The following HDLBP variants were observed in gnomAD, a reference collection of about 807,000 sequenced individuals.
The protein encoded by HDLBP is high density lipoprotein binding protein.
Under a neutral mutation model 137.3 loss-of-function variants are expected in HDLBP, and 30 were observed. The observed-to-expected ratio is 0.22, with a 90% CI of 0.16 to 0.30. The LOEUF is 0.30. HDLBP is among the 10% of genes least tolerant of loss of function. HDLBP has a pLI of 1.00. For synonymous variants in HDLBP, 606 were observed against 596.0 expected, an observed-to-expected ratio of 1.02 and a Z score of -0.24; for missense variants, 1,119 against 1,667.3, an observed-to-expected ratio of 0.67 and a Z score of 5.73.
At chr2:241,231,635 C>G (rs185009041) in intron 24 of HDLBP, among the ~76,000 whole-genome samples, 64 of 149,952 alleles carry the variant, frequency 4.3e-4, no homozygotes, top group African/African-American at 1.4e-3. Context: ...CATCTTTGTG[C>G]TGGAGGCTGG....
chr2:241,236,454 G>A lies in HDLBP; in HGVS notation c.2904+161C>T. ...GTGGCCTCCCCAAACTCTGTGTCCA[G>A]CCGAGAAGCACAGCCCGTGCGCACA... On this transcript the variant is annotated intron_variant, in intron 21 of 27. Transcript: ENST00000310931. The A allele has an allele frequency of 7.0e-6, 5 of 711,506 alleles. 1 individual carries two copies. In the South Asian group the frequency reaches 8.9e-5, roughly 13 times the overall value. The allele number at this position is 711,506 out of a possible 1,614,324, so 44.1% of individuals were successfully genotyped here.
intron 5 of HDLBP, among the ~76,000 whole-genome samples, chr2:241,258,472 C>T (rs1033942779): frequency 6.6e-6 from 1 of 151,830 alleles, no homozygotes; most frequent in African/African-American, 2.4e-5. Context: ...TCCGGTGAGC[C>T]GTGATCATGC....
At chr2:241,296,102 A>AC (rs540952816) in intron 1 of HDLBP, among the ~76,000 whole-genome samples, 2 of 137,238 alleles carry the variant, frequency 1.5e-5, no homozygotes, top group African/African-American at 5.4e-5. Flanking sequence ...AAATTTTGCA[A>AC]AAAAAAAAAA....
intron 5 of HDLBP, among the ~76,000 whole-genome samples, chr2:241,259,669 C>A (rs918936088): frequency 1.3e-5 from 2 of 152,138 alleles, no homozygotes; most frequent in African/African-American, 4.8e-5. Flanking sequence ...GAGATGGGGT[C>A]TGACCATGTT....
chr2:241,264,530 G>C lies in HDLBP; in HGVS notation c.152C>G (p.Ala51Gly). ...TTCCTGGGCACTTTCCAGGCAAGCA[G>C]CTTTCTCAGGAAGTGGAGGGAAGGC... ...KDAFPPLPEK[A>G]ACLESAQEPA... Residue 51 changes from alanine (A) to glycine (G), a missense_variant, in exon 4 of 28, where the codon GCT (alanine) becomes GGT (glycine). Transcript: ENST00000310931. The C allele has an allele frequency of 1.2e-5, 20 of 1,613,750 alleles. No individual in the cohort carries two copies. The highest frequency in any genetic ancestry group is 1.7e-5 in the Non-Finnish European group (20 of 1,179,742).
chr2:241,300,523 T>G (rs1350254495), intron 1 of HDLBP, among the ~76,000 whole-genome samples: 1 of 152,158 alleles, frequency 6.6e-6, no homozygotes, highest in African/African-American at 2.4e-5. Flanking sequence ...CAAGCATAAG[T>G]ACATACTGGA....
In HDLBP at chr2:241,240,544, T is replaced by C. The variant is rs532540338; in HGVS notation, c.2170-422A>G. 3.1e-4 allele frequency among the ~76,000 whole-genome samples: 47 copies of C among 152,226 alleles called. No individual in the cohort carries two copies. Among genetic ancestry groups the C allele is most frequent in the Non-Finnish European group, 5.1e-4 (35 of 67,990 alleles). On this transcript the variant is annotated intron_variant, in intron 17 of 27. Transcript: ENST00000310931. This position sits in a 1 kb window ranked among gnomAD's most constrained non-coding sequence, Gnocchi z 5.5. Reference sequence around the variant, plus strand: ...CAAGCTGCCCAAGAGGTGTGCACCATGCTCCCACTCTTCTACCTGCTTCCA... The same window carrying C: ...CAAGCTGCCCAAGAGGTGTGCACCACGCTCCCACTCTTCTACCTGCTTCCA...
intron 1 of HDLBP, among the ~76,000 whole-genome samples, chr2:241,307,806 T>C (rs900957703): frequency 1.7e-4 from 26 of 152,236 alleles, no homozygotes; most frequent in African/African-American, 6.3e-4. Flanking sequence ...CCTCATTTGT[T>C]AACAACTACA....
intron 1 of HDLBP, among the ~76,000 whole-genome samples, chr2:241,300,177 C>A (rs2075342587): frequency 6.6e-6 from 1 of 152,104 alleles, no homozygotes; most frequent in South Asian, 2.1e-4. Flanking sequence ...ACATCCCAAA[C>A]AACTTCGAGG....
At chr2:241,259,890 T>C (rs1000242513) in intron 5 of HDLBP, among the ~76,000 whole-genome samples, 9 of 152,222 alleles carry the variant, frequency 5.9e-5, no homozygotes, top group African/African-American at 1.9e-4. Flanking sequence ...TGCAATTTCC[T>C]ACTCAAAAGG....
intron 1 of HDLBP, among the ~76,000 whole-genome samples, chr2:241,286,349 G>A (rs1559544536): frequency 6.6e-6 from 1 of 152,194 alleles, no homozygotes; most frequent in Non-Finnish European, 1.5e-5. Context: ...ACTGCTTAGG[G>A]CCAACGTGCT....
intron 21 of HDLBP, 169 bp from the exon 22 acceptor site, chr2:241,235,763 A>G (rs2070330988): frequency 3.4e-6 from 2 of 580,224 alleles, no homozygotes; most frequent in Non-Finnish European, 6.1e-6. Flanking sequence ...AAGAATAGGA[A>G]AAGATTTGCA....
intron 1 of HDLBP, among the ~76,000 whole-genome samples, chr2:241,314,391 A>C (rs941207243): frequency 1.1e-4 from 16 of 152,196 alleles, no homozygotes; most frequent in African/African-American, 3.6e-4. Flanking sequence ...GACTTAACCT[A>C]TCTTAATAGG....
At chr2:241,269,851 T>G (rs1434678387) in intron 1 of HDLBP, among the ~76,000 whole-genome samples, 1 of 152,118 alleles carries the variant, frequency 6.6e-6, no homozygotes, top group Non-Finnish European at 1.5e-5. Flanking sequence ...AGGTGTCCAG[T>G]GACACTTGCC....
At chr2:241,307,557 T>C (rs1575060807) in intron 1 of HDLBP, among the ~76,000 whole-genome samples, 1 of 152,228 alleles carries the variant, frequency 6.6e-6, no homozygotes, top group East Asian at 1.9e-4. Flanking sequence ...TTAAAAATAT[T>C]CTAAAAGATA....
At chr2:241,300,661 C>T (rs189414226) in intron 1 of HDLBP, among the ~76,000 whole-genome samples, 1 of 152,320 alleles carries the variant, frequency 6.6e-6, no homozygotes, top group Admixed American at 6.5e-5. Context: ...AGGTAACTGG[C>T]GCAAGATTTG....
Position 241,229,949 on chromosome 2 carries a change from C to G in HDLBP, c.3604G>C (p.Val1202Leu). 6.2e-7 allele frequency: 1 copy of G among 1,600,730 alleles called. No individual in the cohort carries two copies. The highest frequency in any genetic ancestry group is 8.5e-7 in the Non-Finnish European group (1 of 1,172,762). Reference protein sequence around the residue: ...NLEEEYLADVVDSEALQVYMK... With the variant: ...NLEEEYLADVLDSEALQVYMK... ...TATACCTGCAGCGCCTCACTGTCCA[C>G]CACGTCAGCTAGCTGCAGGCAGAAG... The change falls in exon 27 of 28, where the codon GTG becomes CTG. Residue 1202 changes from valine (V) to leucine (L), a missense_variant. Coordinates refer to ENST00000310931, the MANE Select transcript of HDLBP (RefSeq NM_005336.6).
At chr2:241,254,291 T>C (rs746675) in intron 9 of HDLBP, among the ~76,000 whole-genome samples, 2 of 151,794 alleles carry the variant, frequency 1.3e-5, no homozygotes, top group Admixed American at 6.6e-5. Flanking sequence ...ATAAAAAAAA[T>C]TTAATTTTTA....
At chr2:241,303,571 G>A (rs2075463335) in intron 1 of HDLBP, among the ~76,000 whole-genome samples, 1 of 152,174 alleles carries the variant, frequency 6.6e-6, no homozygotes, top group Non-Finnish European at 1.5e-5. Flanking sequence ...AGCATCCCTG[G>A]ATCGCAAGTT....
Sources: allele counts gnomAD v4.1 joint callset (sites outside exome capture counted in the v4.1 genomes callset), GRCh38; gene constraint gnomAD v4.1.1; non-coding constraint Gnocchi (gnomAD v3.1); transcripts MANE v1.5; gene names NCBI Gene and HGNC (gene_info 2026-07-23, HGNC 2026-07-21).